PSG7: variants seen among roughly 807,000 people sequenced by gnomAD.
The protein encoded by PSG7 is pregnancy-specific beta-1-glycoprotein 7.
PSG7 carries 57 observed loss-of-function variants against 45.6 expected under a neutral mutation model. The observed-to-expected ratio is 1.25, with a 90% CI of 1.01 to 1.56. The LOEUF (loss-of-function observed/expected upper bound fraction) is 1.56. PSG7 is among the 40% of genes most tolerant of loss of function. PSG7 has a pLI of 0.00. For synonymous variants in PSG7, 298 were observed against 194.4 expected (o/e 1.53, Z -4.43); for missense variants, 796 against 508.4 (o/e 1.57, Z -5.44).
Position 42,926,695 on chromosome 19 carries a change from A to T in PSG7, c.731T>A (p.Ile244Asn). 1 of 1,610,376 alleles carries T rather than the reference A, an allele frequency of 6.2e-7. No homozygotes were observed. The highest frequency in any genetic ancestry group is 8.5e-7 in the Non-Finnish European group (1 of 1,178,992). ...CCTGGGGTTTAAGTTATTGATGGTG[A>T]TGTAGGGCTTGGGCAGCTTCGCTGT... Reference protein sequence around the residue: ...NLLPKLPKPYITINNLNPREN... With the variant: ...NLLPKLPKPYNTINNLNPREN... Residue 244 changes from isoleucine (I) to asparagine (N), a missense_variant, in exon 4 of 6, where the codon ATC (isoleucine) becomes AAC (asparagine). Ile to Asn is a moderately radical substitution (Grantham distance 149, BLOSUM62 -3). Transcript: ENST00000406070.
In PSG7 at chr19:42,934,303, A is replaced by C. The variant is rs529193997; in HGVS notation, c.430+1101T>G. Among the ~76,000 whole-genome samples, 34 of 151,366 alleles carry C rather than the reference A, an allele frequency of 2.2e-4. 1 individual carries two copies. Among genetic ancestry groups the C allele is most frequent in the African/African-American group, 8.0e-4 (33 of 41,186 alleles). ...GTGACCACTTGCTCTCACTCCTCTG[A>C]GGTTTGGATGCCTAAGAAGAGAGGA... On this transcript the variant is annotated intron_variant, in intron 2 of 5. Coordinates refer to ENST00000406070, the MANE Select transcript of PSG7 (RefSeq NM_002783.3).
chr19:42,926,879 GC>G, intron 3 of PSG7, 163 bp from the exon 4 acceptor site: 1 of 1,336,962 alleles, frequency 7.5e-7, no homozygotes, highest in Non-Finnish European at 1.0e-6. Context: ...TGATCTAAGG[GC>G]TCAAAGACTG....
intron 2 of PSG7, among the ~76,000 whole-genome samples, chr19:42,934,971 C>G (rs1476804176): frequency 6.6e-6 from 1 of 151,644 alleles, no homozygotes; most frequent in African/African-American, 2.4e-5. Context: ...CTGGCACAGG[C>G]TCCTCAGCTT....
At chr19:42,930,436 A>AT (rs1275369038) in intron 2 of PSG7, among the ~76,000 whole-genome samples, 1 of 151,672 alleles carries the variant, frequency 6.6e-6, no homozygotes, top group Non-Finnish European at 1.5e-5. Context: ...GCCCAAGACC[A>AT]TGTTCCCTGT....
chr19:42,926,802 A>T, intron 3 of PSG7, 86 bp from the exon 4 acceptor site: 2 of 1,563,872 alleles, frequency 1.3e-6, no homozygotes, highest in African/African-American at 1.4e-5. Flanking sequence ...GGCATCTCCC[A>T]CCTGTCAACA....
Position 42,929,520 on chromosome 19 carries a change from T to C in PSG7, c.631A>G (p.Thr211Ala). ...TLYLFGVTNYTAGPYECEIRN... is the reference protein window; with the variant it reads ...TLYLFGVTNYAAGPYECEIRN... ...ATTTCACATTCATAGGGTCCTGCAG[T>C]ATAGTTTGTGACACCAAATAGGTAG... Residue 211 changes from threonine to alanine, a missense_variant, in exon 3 of 6, where the codon ACT becomes GCT. Transcript: ENST00000406070. The C allele has an allele frequency of 6.2e-7, 1 of 1,612,460 alleles. No homozygotes were observed. Among genetic ancestry groups the C allele is most frequent in the Non-Finnish European group, 8.5e-7 (1 of 1,179,196 alleles).
In PSG7 at chr19:42,924,618, T is replaced by C. The variant is rs1011946426; in HGVS notation, c.*190A>G. 3.0e-6 allele frequency: 2 copies of C among 658,270 alleles called. No homozygotes were observed. Among genetic ancestry groups the C allele is most frequent in the African/African-American group, 3.6e-5 (2 of 55,058 alleles). The allele number at this position is 658,270 out of a possible 1,614,324, so 40.8% of individuals were successfully genotyped here. ...ATCAACTTGTTTTCCTTGTTTACAGTTTGAGCAGCTGTTGTTATGGTGTTG... is the reference window on the plus strand; with the variant it reads ...ATCAACTTGTTTTCCTTGTTTACAGCTTGAGCAGCTGTTGTTATGGTGTTG... On this transcript the variant is annotated 3_prime_UTR_variant, in exon 6 of 6. Coordinates refer to ENST00000406070, the MANE Select transcript of PSG7 (RefSeq NM_002783.3).
intron 2 of PSG7, among the ~76,000 whole-genome samples, chr19:42,933,303 ATATATTTTTTT>A (rs1265301835): frequency 6.7e-5 from 1 of 14,846 alleles, no homozygotes. Flanking sequence ...ATATATATAT[ATATATTTTTTT>A]TTTTTTTTGG....
intron 2 of PSG7, among the ~76,000 whole-genome samples, chr19:42,934,224 A>G (rs1973097162): frequency 6.6e-6 from 1 of 151,368 alleles, no homozygotes; most frequent in South Asian, 2.1e-4. Context: ...TTTTTTTTGC[A>G]CTGACTCTGA....
At chr19:42,933,325 T>G (rs1973074516) in intron 2 of PSG7, among the ~76,000 whole-genome samples, 1 of 95,676 alleles carries the variant, frequency 1.0e-5, no homozygotes, top group African/African-American at 3.8e-5. Context: ...TTTTTTTTGG[T>G]GTATGTATGT....
intron 4 of PSG7, 150 bp downstream of exon 4, chr19:42,926,287 AG>A (rs1972886199): frequency 6.7e-7 from 1 of 1,481,928 alleles, no homozygotes; most frequent in Non-Finnish European, 9.0e-7. Context: ...AGGTTTTCCC[AG>A]GGCAGGGAGT....
In PSG7 at chr19:42,935,578, C is replaced by T. The variant is rs781911242; in HGVS notation, c.256G>A (p.Gly86Ser). Reference sequence around the variant, plus strand: ...GCAGGCCCATATTTAATTATTTGACCGTCTACTATATATGATGTAACATAA... The same window carrying T: ...GCAGGCCCATATTTAATTATTTGACTGTCTACTATATATGATGTAACATAA... ...YHYVTSYIVD[G>S]QIIKYGPAYS... Residue 86 changes from glycine to serine, a missense_variant, in exon 2 of 6, where the codon GGT becomes AGT. Coordinates refer to ENST00000406070, the MANE Select transcript of PSG7 (RefSeq NM_002783.3). 9.9e-6 allele frequency: 16 copies of T among 1,611,820 alleles called. 1 individual carries two copies. The highest frequency in any genetic ancestry group is 1.6e-4 in the Middle Eastern group (1 of 6,076).
intron 2 of PSG7, among the ~76,000 whole-genome samples, chr19:42,929,965 A>G (rs1972984585): frequency 6.6e-6 from 1 of 151,588 alleles, no homozygotes; most frequent in South Asian, 2.1e-4. Context: ...GCATTGGGTC[A>G]TGGAAAGACA....
At chr19:42,929,912 T>C (rs370541300) in intron 2 of PSG7, among the ~76,000 whole-genome samples, 192 bp from the exon 3 acceptor site, 1 of 151,480 alleles carries the variant, frequency 6.6e-6, no homozygotes, top group Non-Finnish European at 1.5e-5. Flanking sequence ...GCCTGCTTTA[T>C]GTGGGAGAAG....
At chr19:42,933,277 A>ATATATATATATG in intron 2 of PSG7, among the ~76,000 whole-genome samples, 1 of 5,130 alleles carries the variant, frequency 1.9e-4, no homozygotes, top group South Asian at 8.8e-3. Flanking sequence ...ATATATATAT[A>ATATATATATATG]TATATATATA....
chr19:42,928,418 T>C (rs1265515905), intron 3 of PSG7, among the ~76,000 whole-genome samples: 1 of 151,648 alleles, frequency 6.6e-6, no homozygotes, highest in Admixed American at 6.6e-5. Flanking sequence ...TCCATGAAAA[T>C]GAAATGTGTT....
intron 2 of PSG7, among the ~76,000 whole-genome samples, chr19:42,933,567 G>A (rs1413152326): frequency 4.0e-5 from 6 of 149,924 alleles, no homozygotes; most frequent in African/African-American, 7.4e-5. Context: ...CCTGGGAGGT[G>A]GGCCAGGCCA....
rs372381292 is a variant in PSG7, at chr19:42,929,620, G to T, written c.531C>A (p.Ser177Arg). 6.2e-7 allele frequency: 1 copy of T among 1,612,476 alleles called. No individual in the cohort carries two copies. The highest frequency in any genetic ancestry group is 1.7e-5 in the Admixed American group (1 of 59,886). ...TCTGACCATTCATCCACCACAGGTA[G>T]CTTGCATCTGGAGTCTCAGGATCAC... ...LTCDPETPDA[S>R]YLWWMNGQSL... is the part of the protein sequence containing the mutation. Residue 177 changes from serine (S) to arginine (R), a missense_variant, in exon 3 of 6, where the codon AGC (serine) becomes AGA (arginine). Ser to Arg is a moderately radical substitution (Grantham distance 110). Transcript: ENST00000406070.
chr19:42,932,116 C>T (rs1229238370), intron 2 of PSG7, among the ~76,000 whole-genome samples: 2 of 151,342 alleles, frequency 1.3e-5, no homozygotes. Context: ...CTCCGCCTCC[C>T]GGTTTCACTC....
Sources: gnomAD v4.1 joint callset for allele counts (sites outside exome capture counted in the v4.1 genomes callset) on GRCh38, gnomAD v4.1.1 for gene constraint, MANE v1.5 for transcripts, NCBI Gene and HGNC (gene_info 2026-07-23, HGNC 2026-07-21) for gene names.